The following GRID2 variants were observed in gnomAD, a reference collection of about 807,000 sequenced individuals.
GRID2 encodes glutamate ionotropic receptor delta type subunit 2, also known as glutamate receptor ionotropic, delta-2.
In GRID2, 33 loss-of-function variants were observed where a neutral mutation model predicts 114.8. The ratio of observed to expected loss-of-function variants is 0.29; its 90% CI spans 0.22 to 0.38. The LOEUF is 0.38. GRID2 is among the 10% of genes least tolerant of loss of function. The pLI is 1.00. For synonymous variants in GRID2, 505 were observed against 449.9 expected, an observed-to-expected ratio of 1.12 and a Z score of -1.55; for missense variants, 1,184 against 1,257.7, an observed-to-expected ratio of 0.94 and a Z score of 0.89.
At chr4:92,926,221 C>T (rs989300154) in intron 2 of GRID2, among the ~76,000 whole-genome samples, 4 of 151,962 alleles carry the variant, frequency 2.6e-5, no homozygotes, top group Admixed American at 6.6e-5. Flanking sequence ...AAAATAACTA[C>T]AAGGAAAATG....
In GRID2 at chr4:92,875,156, T is replaced by G. The variant is rs528985675; in HGVS notation, c.245-209839T>G. Among the ~76,000 whole-genome samples the G allele has an allele frequency of 3.8e-3, 539 of 142,936 alleles. 2 individuals carry two copies. The highest frequency in any genetic ancestry group is 5.7e-3 in the South Asian group (25 of 4,404). The allele number at this position is 142,936 out of a possible 152,430, so 93.8% of individuals were successfully genotyped here. A position where few individuals can be genotyped will look rare whatever the true frequency, so the allele number is the denominator to read the frequency against. On this transcript the variant is annotated intron_variant, in intron 2 of 15. Coordinates refer to ENST00000282020, the MANE Select transcript of GRID2 (RefSeq NM_001510.4). ...TAAATATTAACTCAAAAGGTTTTTT[T>G]TTTTTTTTTTTTTTTTTTTTCCCGA...
chr4:93,064,905 T>C (rs1450406605), intron 2 of GRID2, among the ~76,000 whole-genome samples: 1 of 151,884 alleles, frequency 6.6e-6, no homozygotes, highest in Non-Finnish European at 1.5e-5. Context: ...AATGTGCTTA[T>C]TCCAAGTAGA....
intron 2 of GRID2, among the ~76,000 whole-genome samples, chr4:92,892,499 A>C (rs1000833257): frequency 6.6e-6 from 1 of 152,134 alleles, no homozygotes; most frequent in African/African-American, 2.4e-5. Flanking sequence ...TTGTTGTGGA[A>C]ATATATTATG....
intron 7 of GRID2, 49 bp downstream of exon 7, chr4:93,224,824 A>C: frequency 6.0e-6 from 8 of 1,329,728 alleles, no homozygotes; most frequent in South Asian, 1.3e-5. Context: ...TAATTATTTG[A>C]CATATTTTAG....
intron 2 of GRID2, among the ~76,000 whole-genome samples, chr4:92,871,040 C>T (rs917322133): frequency 3.3e-5 from 5 of 152,018 alleles, no homozygotes; most frequent in Non-Finnish European, 7.4e-5. Context: ...CTCCTTCTCT[C>T]CCCCTACACC....
intron 1 of GRID2, among the ~76,000 whole-genome samples, chr4:92,481,620 G>T (rs1722592840): frequency 6.6e-6 from 1 of 152,046 alleles, no homozygotes; most frequent in African/African-American, 2.4e-5. Context: ...TTGTAGTATA[G>T]ATTAAAGTTA....
At chr4:93,357,317 T>G (rs1761430132) in intron 8 of GRID2, among the ~76,000 whole-genome samples, 1 of 151,534 alleles carries the variant, frequency 6.6e-6, no homozygotes, top group Non-Finnish European at 1.5e-5. Flanking sequence ...TCATTATTTA[T>G]GCATATTTTT....
chr4:93,414,401 A>G (rs1767500733), intron 9 of GRID2, among the ~76,000 whole-genome samples: 2 of 152,206 alleles, frequency 1.3e-5, no homozygotes, highest in East Asian at 1.9e-4. Context: ...ATAGTGGCCT[A>G]AAGACTCTAG....
intron 1 of GRID2, among the ~76,000 whole-genome samples, chr4:92,431,486 T>A (rs1732446487): frequency 6.6e-6 from 1 of 152,136 alleles, no homozygotes; most frequent in South Asian, 2.1e-4. Context: ...AATATATTGT[T>A]GAATTTACTA....
At chr4:92,824,912 A>G (rs1741575862) in intron 2 of GRID2, among the ~76,000 whole-genome samples, 1 of 152,188 alleles carries the variant, frequency 6.6e-6, no homozygotes, top group Non-Finnish European at 1.5e-5. Flanking sequence ...TGCTATAGCA[A>G]TAATGACATG....
chr4:92,533,361 A>G (rs1438105419), intron 1 of GRID2, among the ~76,000 whole-genome samples: 2 of 152,066 alleles, frequency 1.3e-5, no homozygotes, highest in Admixed American at 6.6e-5. Context: ...TCCAAGAAAA[A>G]AAAGCAGTTG....
intron 2 of GRID2, among the ~76,000 whole-genome samples, chr4:92,945,200 T>G (rs1359546025): frequency 6.6e-6 from 1 of 152,212 alleles, no homozygotes; most frequent in Non-Finnish European, 1.5e-5. Context: ...ATCTTGAATC[T>G]TTGAATATGT....
intron 4 of GRID2, among the ~76,000 whole-genome samples, chr4:93,126,504 T>C (rs1462743599): frequency 6.6e-6 from 1 of 151,368 alleles, no homozygotes; most frequent in Non-Finnish European, 1.5e-5. Context: ...CTGTACCTAG[T>C]AGATGTCAAT....
intron 2 of GRID2, among the ~76,000 whole-genome samples, chr4:92,757,108 A>G (rs1322097504): frequency 6.6e-6 from 1 of 151,974 alleles, no homozygotes; most frequent in Non-Finnish European, 1.5e-5. Context: ...TTTTTAAGTC[A>G]TTTTAGTGGA....
intron 1 of GRID2, among the ~76,000 whole-genome samples, chr4:92,444,122 C>G (rs1251073546): frequency 6.6e-6 from 1 of 152,176 alleles, no homozygotes; most frequent in Non-Finnish European, 1.5e-5. Context: ...ATAGGTGGAT[C>G]TTTCTCACGG....
intron 3 of GRID2, among the ~76,000 whole-genome samples, chr4:93,089,065 T>C (rs1344596926): frequency 6.6e-6 from 1 of 152,114 alleles, no homozygotes; most frequent in Non-Finnish European, 1.5e-5. Context: ...TTATTATTAT[T>C]ATTTTTACAA....
intron 1 of GRID2, among the ~76,000 whole-genome samples, chr4:92,403,134 G>A (rs1276739983): frequency 1.3e-5 from 2 of 152,124 alleles, no homozygotes; most frequent in Non-Finnish European, 2.9e-5. Flanking sequence ...ATTGAAGAGA[G>A]GTCCTTGTTC....
At chr4:92,765,475 A>G (rs879863935) in intron 2 of GRID2, among the ~76,000 whole-genome samples, 21 of 152,176 alleles carry the variant, frequency 1.4e-4, no homozygotes, top group Non-Finnish European at 2.9e-4. Flanking sequence ...CTGCTATTCA[A>G]TGAAGCAGAG....
At chr4:93,723,208 G>C (rs113903209) in intron 14 of GRID2, among the ~76,000 whole-genome samples, 1 of 152,044 alleles carries the variant, frequency 6.6e-6, no homozygotes, top group Non-Finnish European at 1.5e-5. Context: ...ATGCTATTAC[G>C]GTCAGTCATT....
Sources: allele counts gnomAD v4.1 joint callset (sites outside exome capture counted in the v4.1 genomes callset), GRCh38; gene constraint gnomAD v4.1.1; transcripts MANE v1.5; gene names NCBI Gene and HGNC (gene_info 2026-07-23, HGNC 2026-07-21).